Variants in SNTG1 observed in about 807,000 individuals in gnomAD.
SNTG1 encodes the protein gamma-1-syntrophin.
In SNTG1, 39 loss-of-function variants were observed where a neutral mutation model predicts 74.7. That is an observed-to-expected ratio of 0.52 (90% CI 0.40 to 0.68). The LOEUF (loss-of-function observed/expected upper bound fraction) is 0.68, where lower values mean the gene tolerates loss of function less well. Among genes scored for constraint, SNTG1 ranks in the 30% least tolerant of loss-of-function variants. The probability of loss-of-function intolerance (pLI) is 0.00; values close to 1 mark genes in which losing one functional copy is unlikely to be tolerated. For missense variants in SNTG1, 685 were observed against 609.5 expected (o/e 1.12, Z -1.30); for synonymous variants, 254 against 217.1 (o/e 1.17, Z -1.49).
At chr8:50,027,246 C>A (rs1315570678) in intron 1 of SNTG1, among the ~76,000 whole-genome samples, 1 of 152,116 alleles carries the variant, frequency 6.6e-6, no homozygotes, top group Non-Finnish European at 1.5e-5. Flanking sequence ...CTCTATGCCT[C>A]ACTGTTTGCC....
At chr8:50,687,926 T>C (rs2095359863) in intron 15 of SNTG1, among the ~76,000 whole-genome samples, 1 of 152,232 alleles carries the variant, frequency 6.6e-6, no homozygotes, top group African/African-American at 2.4e-5. Context: ...TGTTGTTTCC[T>C]GACTTTTTAA....
intron 17 of SNTG1, among the ~76,000 whole-genome samples, chr8:50,734,815 A>G (rs1175062903): frequency 1.1e-5 from 1 of 94,330 alleles, no homozygotes; most frequent in Admixed American, 1.1e-4. Flanking sequence ...ATAGATATCT[A>G]TATATATGGA....
chr8:50,028,663 C>T lies in SNTG1; in HGVS notation c.-103+116432C>T, dbSNP rs10086614. Among the ~76,000 whole-genome samples the T allele has an allele frequency of 4.5e-3, 680 of 152,062 alleles. 6 individuals are homozygous for T. Among genetic ancestry groups the T allele is most frequent in the African/African-American group, 0.016 (655 of 41,458 alleles). Reference sequence around the variant, plus strand: ...CTAGATGACGAGTTAGTGGGTGCAGCGCACCAGCATGGCACATGTATACAT... The same window carrying T: ...CTAGATGACGAGTTAGTGGGTGCAGTGCACCAGCATGGCACATGTATACAT... On this transcript the variant is annotated intron_variant, in intron 1 of 18. Coordinates refer to ENST00000642720, the MANE Select transcript of SNTG1 (RefSeq NM_018967.5).
intron 15 of SNTG1, among the ~76,000 whole-genome samples, chr8:50,662,134 G>T (rs970146768): frequency 6.6e-6 from 1 of 152,166 alleles, no homozygotes; most frequent in African/African-American, 2.4e-5. Context: ...ATCAGAGGGG[G>T]AGTCTTCTAC....
At chr8:50,360,655 A>G (rs2091931505) in intron 2 of SNTG1, among the ~76,000 whole-genome samples, 2 of 152,316 alleles carry the variant, frequency 1.3e-5, no homozygotes, top group South Asian at 4.1e-4. Context: ...ACATGCCTCC[A>G]CAGCACATTA....
intron 1 of SNTG1, among the ~76,000 whole-genome samples, chr8:50,061,076 A>G (rs1820431537): frequency 6.6e-6 from 1 of 152,118 alleles, no homozygotes; most frequent in Non-Finnish European, 1.5e-5. Flanking sequence ...GAGTTGGAAA[A>G]TGATCTCTTC....
intron 1 of SNTG1, among the ~76,000 whole-genome samples, chr8:49,928,394 C>A (rs1807242261): frequency 1.3e-5 from 2 of 151,786 alleles, no homozygotes; most frequent in African/African-American, 2.4e-5. Flanking sequence ...CCGTGCCCAG[C>A]CAATTTTTTT....
chr8:50,079,816 G>A (rs1822239106), intron 1 of SNTG1, among the ~76,000 whole-genome samples: 1 of 152,124 alleles, frequency 6.6e-6, no homozygotes, highest in African/African-American at 2.4e-5. Context: ...TTATTAAATA[G>A]GGAATCCTTT....
chr8:49,919,457 G>A lies in SNTG1; in HGVS notation c.-103+7226G>A, dbSNP rs112902645. On this transcript the variant is annotated intron_variant, in intron 1 of 18. Transcript: ENST00000642720. ...ACTTGTCCTCTACAATGCTAGTGAA[G>A]AATCTACCCAAGATTTCTAAGTCAC... 8.7e-4 allele frequency among the ~76,000 whole-genome samples: 132 copies of A among 152,208 alleles called. 1 individual carries two copies. Among genetic ancestry groups the A allele is most frequent in the African/African-American group, 3.1e-3 (128 of 41,550 alleles).
chr8:50,266,729 AT>A (rs1263183945), intron 2 of SNTG1, among the ~76,000 whole-genome samples: 1,657 of 8,258 alleles, frequency 0.2, 17 homozygotes, highest in Non-Finnish European at 0.47. Context: ...AAGAAATTAA[AT>A]AAAGCAGTAA....
chr8:50,716,153 T>C (rs1173223708), intron 17 of SNTG1, among the ~76,000 whole-genome samples: 1 of 152,160 alleles, frequency 6.6e-6, no homozygotes, highest in Admixed American at 6.5e-5. Context: ...ATTTATATGA[T>C]CATAATATGA....
At chr8:50,402,560 G>T (rs536408145) in intron 4 of SNTG1, among the ~76,000 whole-genome samples, 1 of 152,224 alleles carries the variant, frequency 6.6e-6, no homozygotes, top group Admixed American at 6.5e-5. Context: ...CCAGCCTGTT[G>T]TCTATGACTC....
At position 50,296,524 on chromosome 8, in the gene SNTG1, AACACCTC is replaced by A. The variant is rs1254441336; in HGVS notation, c.-27-97686_-27-97680del. The stretch of plus-strand genomic sequence containing the variant: ...AAGCTAACACAGAAACTGAAAACTA[AACACCTC>A]ATGTTCTCACCCATAAGTGGGAGTT... On this transcript the variant is annotated intron_variant, in intron 2 of 18. Coordinates refer to ENST00000642720, the MANE Select transcript of SNTG1 (RefSeq NM_018967.5). 3.3e-5 allele frequency among the ~76,000 whole-genome samples: 5 copies of A among 152,146 alleles called. 1 individual carries two copies. The East Asian group carries it at 9.6e-4, about 29-fold the overall frequency.
At chr8:50,244,995 C>A (rs2086329213) in intron 2 of SNTG1, among the ~76,000 whole-genome samples, 1 of 152,078 alleles carries the variant, frequency 6.6e-6, no homozygotes, top group Admixed American at 6.6e-5. Flanking sequence ...GCCATTTTTA[C>A]ATTTTTTTTC....
intron 1 of SNTG1, among the ~76,000 whole-genome samples, chr8:50,006,933 G>A (rs1815297148): frequency 6.6e-6 from 1 of 152,130 alleles, no homozygotes; most frequent in East Asian, 1.9e-4. Context: ...TGATATCCCT[G>A]CCTAGGGTAG....
At chr8:50,223,984 A>T (rs1023205462) in intron 2 of SNTG1, among the ~76,000 whole-genome samples, 2 of 152,150 alleles carry the variant, frequency 1.3e-5, no homozygotes, top group South Asian at 4.1e-4. Flanking sequence ...TAATAAAAAA[A>T]TAGTAAAATT....
intron 8 of SNTG1, among the ~76,000 whole-genome samples, chr8:50,478,082 A>T (rs1432034722): frequency 6.6e-6 from 1 of 152,024 alleles, no homozygotes; most frequent in Non-Finnish European, 1.5e-5. Context: ...ATTTTGCTTC[A>T]TTCTTCTTTT....
At chr8:50,207,324 T>C (rs1388331578) in intron 2 of SNTG1, among the ~76,000 whole-genome samples, 1 of 152,214 alleles carries the variant, frequency 6.6e-6, no homozygotes, top group African/African-American at 2.4e-5. Context: ...AATTTATCCA[T>C]TTCTTCTAGA....
chr8:50,366,925 C>T (rs1180688913), intron 2 of SNTG1, among the ~76,000 whole-genome samples: 1 of 145,400 alleles, frequency 6.9e-6, no homozygotes, highest in Non-Finnish European at 1.5e-5. Context: ...TAGGTCTATA[C>T]TATATAATAT....
Sources: gnomAD v4.1 joint callset for allele counts (sites outside exome capture counted in the v4.1 genomes callset) on GRCh38, gnomAD v4.1.1 for gene constraint, MANE v1.5 for transcripts, NCBI Gene and HGNC (gene_info 2026-07-23, HGNC 2026-07-21) for gene names.